The following CNTN5 variants were observed in gnomAD, a reference collection of about 807,000 sequenced individuals.
The protein encoded by CNTN5 is contactin-5.
In CNTN5, 77 loss-of-function variants were observed where a neutral mutation model predicts 129.1. The observed-to-expected ratio is 0.60, with a 90% CI of 0.50 to 0.72. The LOEUF (loss-of-function observed/expected upper bound fraction) is 0.72. CNTN5 is among the 30% of genes least tolerant of loss of function. The probability of loss-of-function intolerance (pLI) is 0.00; values close to 1 mark genes in which losing one functional copy is unlikely to be tolerated. For synonymous variants in CNTN5, 509 were observed against 465.6 expected (o/e 1.09, Z -1.20); for missense variants, 1,478 against 1,328.8 (o/e 1.11, Z -1.75).
intron 1 of CNTN5, among the ~76,000 whole-genome samples, chr11:99,096,356 C>T (rs1237435380): frequency 6.6e-6 from 1 of 151,664 alleles, no homozygotes. Flanking sequence ...AGTAGTACTT[C>T]TGTTTCAGGA....
At chr11:99,370,004 G>A (rs1939730282) in intron 2 of CNTN5, among the ~76,000 whole-genome samples, 1 of 150,542 alleles carries the variant, frequency 6.6e-6, no homozygotes, top group Admixed American at 6.6e-5. Flanking sequence ...GATTCATCTG[G>A]GACCTAAATC....
chr11:99,175,552 GA>G (rs1591313922), intron 1 of CNTN5, among the ~76,000 whole-genome samples: 2 of 152,242 alleles, frequency 1.3e-5, no homozygotes, highest in East Asian at 3.9e-4. Context: ...CACATGAGAA[GA>G]GACAAGATAT....
At chr11:99,188,906 T>C (rs58674934) in intron 1 of CNTN5, among the ~76,000 whole-genome samples, 2,307 of 151,910 alleles carry the variant, frequency 0.015, 48 homozygotes, top group African/African-American at 0.051. Flanking sequence ...AATACATTTT[T>C]ATTAACTATC....
chr11:100,180,742 G>A (rs1478792947), intron 13 of CNTN5, among the ~76,000 whole-genome samples: 1 of 151,562 alleles, frequency 6.6e-6, no homozygotes, highest in Non-Finnish European at 1.5e-5. Context: ...ACAAAGAACT[G>A]GTATCTAGAA....
At chr11:99,739,416 A>AT (rs1482488445) in intron 3 of CNTN5, among the ~76,000 whole-genome samples, 2 of 151,904 alleles carry the variant, frequency 1.3e-5, no homozygotes, top group Non-Finnish European at 2.9e-5. Context: ...GACAGATTGT[A>AT]TTTTTTCGGA....
chr11:99,971,545 C>T (rs960211688), intron 8 of CNTN5, among the ~76,000 whole-genome samples: 1 of 150,916 alleles, frequency 6.6e-6, no homozygotes, highest in African/African-American at 2.4e-5. Context: ...CCGTCACACA[C>T]ATTAAAAACA....
At chr11:100,177,461 A>G (rs1352203789) in intron 13 of CNTN5, among the ~76,000 whole-genome samples, 1 of 152,114 alleles carries the variant, frequency 6.6e-6, no homozygotes, top group Non-Finnish European at 1.5e-5. Context: ...GAAGCCATCT[A>G]CAGTACCTGG....
chr11:99,883,949 T>A (rs375026414), intron 6 of CNTN5, among the ~76,000 whole-genome samples: 2 of 152,242 alleles, frequency 1.3e-5, no homozygotes, highest in African/African-American at 4.8e-5. Context: ...CTGCATGATA[T>A]TGCTTCTACC....
At position 99,956,680 on chromosome 11, in the gene CNTN5, A is replaced by T. The variant is rs904455940; in HGVS notation, c.674-126A>T. 6.3e-6 allele frequency: 4 copies of T among 637,772 alleles called. No homozygotes were observed. In the East Asian group the frequency reaches 1.1e-4, roughly 18 times the overall value. 39.5% of individuals were successfully genotyped at this position (637,772 alleles called of 1,614,324 possible). ...GAATATAAAATACTAAATTATATAG[A>T]TACATGGATCAAATATGTATGACCT... is the stretch of plus-strand genomic sequence containing the variant. On this transcript the variant is annotated intron_variant, in intron 7 of 24. Coordinates refer to ENST00000524871, the MANE Select transcript of CNTN5 (RefSeq NM_014361.4).
At chr11:99,027,989 A>G (rs991268065) in intron 1 of CNTN5, among the ~76,000 whole-genome samples, 2 of 151,772 alleles carry the variant, frequency 1.3e-5, no homozygotes, top group Non-Finnish European at 3.0e-5. Flanking sequence ...AATAAAGAAA[A>G]TATAAAACAT....
intron 3 of CNTN5, among the ~76,000 whole-genome samples, chr11:99,625,056 G>T (rs1324249177): frequency 6.6e-6 from 1 of 152,120 alleles, no homozygotes; most frequent in Admixed American, 6.6e-5. Context: ...TCCAGTGTTG[G>T]ACACATGGCA....
intron 13 of CNTN5, among the ~76,000 whole-genome samples, chr11:100,185,259 G>T (rs1452110918): frequency 6.6e-6 from 1 of 152,066 alleles, no homozygotes; most frequent in African/African-American, 2.4e-5. Flanking sequence ...AGTTTTACTG[G>T]ATAAGTTCTA....
chr11:99,592,087 T>C (rs1455716009), intron 3 of CNTN5, among the ~76,000 whole-genome samples: 1 of 152,194 alleles, frequency 6.6e-6, no homozygotes, highest in Non-Finnish European at 1.5e-5. Flanking sequence ...AAAGAAAAAC[T>C]AAGAGCTCCA....
At chr11:100,311,304 T>G (rs1466607989) in intron 21 of CNTN5, among the ~76,000 whole-genome samples, 1 of 151,966 alleles carries the variant, frequency 6.6e-6, no homozygotes, top group African/African-American at 2.4e-5. Flanking sequence ...CCCAAGAAAC[T>G]AGGTAAATGG....
chr11:100,165,046 A>T (rs1947583190), intron 13 of CNTN5, among the ~76,000 whole-genome samples: 1 of 151,812 alleles, frequency 6.6e-6, no homozygotes, highest in African/African-American at 2.4e-5. Flanking sequence ...TTGTCTGTTG[A>T]AAGCCGGAGT....
chr11:99,602,211 A>C (rs757800234), intron 3 of CNTN5, among the ~76,000 whole-genome samples: 1 of 152,126 alleles, frequency 6.6e-6, no homozygotes, highest in Non-Finnish European at 1.5e-5. Context: ...TATTATGTAT[A>C]CATAATATTT....
At chr11:99,684,291 A>G (rs564448286) in intron 3 of CNTN5, among the ~76,000 whole-genome samples, 42 of 152,058 alleles carry the variant, frequency 2.8e-4, no homozygotes, top group Middle Eastern at 3.4e-3. Context: ...GATTTTCACT[A>G]TACCATATAT....
chr11:99,287,742 T>A (rs1396938024), intron 1 of CNTN5, among the ~76,000 whole-genome samples: 1 of 151,990 alleles, frequency 6.6e-6, no homozygotes, highest in African/African-American at 2.4e-5. Flanking sequence ...CAATAGTATA[T>A]AAGGACATTA....
At chr11:99,240,153 G>A (rs187313213) in intron 1 of CNTN5, among the ~76,000 whole-genome samples, 3 of 152,118 alleles carry the variant, frequency 2.0e-5, no homozygotes, top group Admixed American at 2.0e-4. Context: ...TCTTTTACAT[G>A]GTGAAAACTT....
Sources: gnomAD v4.1 joint callset for allele counts (sites outside exome capture counted in the v4.1 genomes callset) on GRCh38, gnomAD v4.1.1 for gene constraint, MANE v1.5 for transcripts, NCBI Gene and HGNC (gene_info 2026-07-23, HGNC 2026-07-21) for gene names.